DOCK11: variants seen among roughly 807,000 people sequenced by gnomAD.
DOCK11 encodes dedicator of cytokinesis protein 11.
Under a neutral mutation model 169.1 loss-of-function variants are expected in DOCK11, and 70 were observed. The ratio of observed to expected loss-of-function variants is 0.41; its 90% CI spans 0.34 to 0.51. DOCK11 has a LOEUF of 0.51. DOCK11 is among the 20% of genes least tolerant of loss of function. DOCK11 has a pLI of 0.10. For missense variants in DOCK11, 1,166 were observed against 1,538.8 expected, an observed-to-expected ratio of 0.76 and a Z score of 4.05; for synonymous variants, 529 against 541.3, an observed-to-expected ratio of 0.98 and a Z score of 0.32.
chrX:118,568,383 TATA>T (rs2013151325), intron 10 of DOCK11, among the ~76,000 whole-genome samples: 7 of 5,538 alleles, frequency 1.3e-3, no homozygotes, highest in African/African-American at 6.0e-3. Context: ...TATATATATA[TATA>T]TATATATATA....
intron 6 of DOCK11, among the ~76,000 whole-genome samples, chrX:118,555,523 C>T (rs966586624): frequency 4.6e-5 from 5 of 108,375 alleles, no homozygotes; most frequent in African/African-American, 1.3e-4. Flanking sequence ...TGCCACTGCA[C>T]TCCACCCTGG....
chrX:118,516,390 C>G (rs1358155778), intron 1 of DOCK11, among the ~76,000 whole-genome samples: 2 of 91,808 alleles, frequency 2.2e-5, no homozygotes, highest in Non-Finnish European at 4.1e-5. Context: ...CCACTGCACC[C>G]GGCCTCCTCC....
At chrX:118,648,582 AATAT>A (rs1187092738) in intron 40 of DOCK11, among the ~76,000 whole-genome samples, 55 of 97,564 alleles carry the variant, frequency 5.6e-4, no homozygotes, top group African/African-American at 1.8e-3. Flanking sequence ...CATATATATA[AATAT>A]ATAATATATA....
intron 6 of DOCK11, among the ~76,000 whole-genome samples, chrX:118,556,866 A>G (rs1211426129): frequency 2.7e-5 from 3 of 109,537 alleles, no homozygotes; most frequent in Non-Finnish European, 5.7e-5. Flanking sequence ...TCTCTGTTTT[A>G]TTGTTGTGGG....
chrX:118,524,404 AT>A (rs1489223278), intron 1 of DOCK11, among the ~76,000 whole-genome samples: 1 of 111,368 alleles, frequency 9.0e-6, no homozygotes, highest in Non-Finnish European at 1.9e-5. Context: ...GTGTCCTCTG[AT>A]TTTTTTCTCA....
chrX:118,674,798 A>T (rs2016569782), intron 46 of DOCK11, among the ~76,000 whole-genome samples: 1 of 111,910 alleles, frequency 8.9e-6, no homozygotes, highest in Non-Finnish European at 1.9e-5. Flanking sequence ...GTGTTCTAGG[A>T]TTCCTATTAC....
chrX:118,665,864 A>T (rs1326998625), intron 45 of DOCK11, among the ~76,000 whole-genome samples: 14 of 112,371 alleles, frequency 1.2e-4, no homozygotes, highest in Non-Finnish European at 2.4e-4. Context: ...CCAAAAATGT[A>T]TTTCTGACTT....
chrX:118,683,953 G>A (rs1347470768), intron 52 of DOCK11, among the ~76,000 whole-genome samples: 2 of 111,851 alleles, frequency 1.8e-5, no homozygotes, highest in African/African-American at 6.5e-5. Flanking sequence ...TTATATTTAT[G>A]CAAGCCATCC....
At chrX:118,651,086 C>A (rs2015934306) in intron 41 of DOCK11, among the ~76,000 whole-genome samples, 1 of 111,520 alleles carries the variant, frequency 9.0e-6, no homozygotes, top group Non-Finnish European at 1.9e-5. Context: ...AAGCATCCAG[C>A]CATTAACATC....
At position 118,496,010 on chromosome X, in the gene DOCK11, G is replaced by A. The variant is rs769085243; in HGVS notation, c.39G>A (p.Lys13=). The part of the protein sequence containing the change: ...EVRKFTKRLS[K]PGTAAELRQS... Reference sequence around the variant, plus strand: ...GCAAATTCACCAAACGGCTCAGCAAGCCTGGCACGGCGGCTGAGCTCCGGC... The same window carrying A: ...GCAAATTCACCAAACGGCTCAGCAAACCTGGCACGGCGGCTGAGCTCCGGC... Residue 13 remains lysine, a synonymous_variant, in exon 1 of 53, where the codon AAG becomes AAA. Transcript: ENST00000276202. The A allele has an allele frequency of 5.5e-6, 6 of 1,095,096 alleles. No individual in the cohort carries two copies. The highest frequency in any genetic ancestry group is 7.1e-6 in the Non-Finnish European group (6 of 843,418). 90.2% of individuals were successfully genotyped at this position (1,095,096 alleles called of 1,213,427 possible).
At chrX:118,650,368 A>G (rs1031785251) in intron 41 of DOCK11, among the ~76,000 whole-genome samples, 5 of 112,013 alleles carry the variant, frequency 4.5e-5, no homozygotes, top group Admixed American at 9.5e-5. Flanking sequence ...ACTAAACCAC[A>G]ATTGGGACTG....
intron 48 of DOCK11, among the ~76,000 whole-genome samples, chrX:118,679,918 ATTTTTTTTTTTT>A (rs55756738): frequency 1.3e-4 from 7 of 55,432 alleles, no homozygotes; most frequent in South Asian, 8.7e-4. Context: ...GATTACAGTA[ATTTTTTTTTTTT>A]TTTTTTTTTT....
At chrX:118,673,651 T>C (rs2016540915) in intron 46 of DOCK11, among the ~76,000 whole-genome samples, 1 of 111,785 alleles carries the variant, frequency 8.9e-6, no homozygotes, top group African/African-American at 3.3e-5. Flanking sequence ...TTTTCCTTTT[T>C]TGTTGAGGTG....
At chrX:118,509,504 T>A (rs1603021216) in intron 1 of DOCK11, among the ~76,000 whole-genome samples, 2 of 111,418 alleles carry the variant, frequency 1.8e-5, no homozygotes, top group Admixed American at 1.9e-4. Context: ...CCTCAAGTGT[T>A]CCAACTGCCT....
intron 46 of DOCK11, among the ~76,000 whole-genome samples, chrX:118,674,979 A>G (rs1273150255): frequency 8.9e-6 from 1 of 111,748 alleles, no homozygotes; most frequent in East Asian, 2.8e-4. Context: ...TCTTTGGAGC[A>G]ATGTCTATTC....
chrX:118,545,550 T>G (rs1170132742), intron 5 of DOCK11, among the ~76,000 whole-genome samples, 158 bp downstream of exon 5: 1 of 111,791 alleles, frequency 8.9e-6, no homozygotes, highest in Admixed American at 9.5e-5. Context: ...TTTCAATTTT[T>G]TTTTTAATTA....
At chrX:118,638,910 T>C (rs2015456527) in intron 37 of DOCK11, among the ~76,000 whole-genome samples, 1 of 112,451 alleles carries the variant, frequency 8.9e-6, no homozygotes, top group African/African-American at 3.2e-5. Flanking sequence ...CCTTAGTCCA[T>C]GTATGACCCA....
chrX:118,495,979 A>C lies in DOCK11; in HGVS notation c.8A>C (p.Glu3Ala). The change falls in exon 1 of 53, where the codon GAA (glutamate) becomes GCA (alanine). Residue 3 changes from glutamate (E) to alanine (A), a missense_variant. Physicochemically the swap from Glu to Ala is moderately radical, Grantham distance 107. Coordinates refer to ENST00000276202, the MANE Select transcript of DOCK11 (RefSeq NM_144658.4). MA[E>A]VRKFTKRLSK... ...CCGCCCGCCGCCGCTGCCATGGCCG[A>C]AGTGCGCAAATTCACCAAACGGCTC... 3 of 1,083,798 alleles carry C rather than the reference A, an allele frequency of 2.8e-6. No homozygotes were observed. The highest frequency in any genetic ancestry group is 3.6e-6 in the Non-Finnish European group (3 of 835,854). 89.3% of individuals were successfully genotyped at this position (1,083,798 alleles called of 1,213,427 possible). A position where few individuals can be genotyped will look rare whatever the true frequency, so the allele number is the denominator to read the frequency against.
chrX:118,544,843 T>A lies in DOCK11; in HGVS notation c.393-480T>A, dbSNP rs7473259. On this transcript the variant is annotated intron_variant, in intron 4 of 52. Transcript: ENST00000276202. ...CCCCAGTTAATTTTTTTTTTTTTTT[T>A]AATTTTTGGTAGAGACGGGGTTTCA... is the stretch of plus-strand genomic sequence containing the variant. 8.7e-5 allele frequency among the ~76,000 whole-genome samples: 9 copies of A among 103,683 alleles called. No homozygotes were observed. In the East Asian group the frequency reaches 9.1e-4, roughly 10 times the overall value. The allele number at this position is 103,683 out of a possible 115,157, so 90.0% of individuals were successfully genotyped here.
Sources: gnomAD v4.1 joint callset for allele counts (sites outside exome capture counted in the v4.1 genomes callset) on GRCh38, gnomAD v4.1.1 for gene constraint, MANE v1.5 for transcripts, NCBI Gene and HGNC (gene_info 2026-07-23, HGNC 2026-07-21) for gene names.